Variants in SKAP1 observed in about 807,000 individuals in gnomAD.
SKAP1 encodes the protein src kinase-associated phosphoprotein 1.
A neutral mutation model predicts 58.5 loss-of-function variants in SKAP1; 44 were observed. The ratio of observed to expected loss-of-function variants is 0.75; its 90% CI spans 0.59 to 0.97. SKAP1 has a LOEUF of 0.97. Among genes scored for constraint, SKAP1 ranks in the 50% least tolerant of loss-of-function variants. The pLI is 0.00. For missense variants in SKAP1, 390 were observed against 435.2 expected (o/e 0.90, Z 0.92); for synonymous variants, 127 against 149.7 (o/e 0.85, Z 1.11).
chr17:48,280,762 A>G (rs2065756961), intron 4 of SKAP1, among the ~76,000 whole-genome samples: 1 of 152,208 alleles, frequency 6.6e-6, no homozygotes, highest in Non-Finnish European at 1.5e-5. Flanking sequence ...ACATGAAATC[A>G]TATAGTATCT....
chr17:48,187,591 AATC>A (rs2064475187), intron 6 of SKAP1, among the ~76,000 whole-genome samples: 1 of 152,198 alleles, frequency 6.6e-6, no homozygotes, highest in Non-Finnish European at 1.5e-5. Flanking sequence ...ATGTGTTGTT[AATC>A]ATCATAAAAG....
chr17:48,173,759 C>T (rs1462104923), intron 9 of SKAP1, among the ~76,000 whole-genome samples: 1 of 152,188 alleles, frequency 6.6e-6, no homozygotes, highest in African/African-American at 2.4e-5. Context: ...CTGTGAATTA[C>T]AAATTGGATC....
chr17:48,320,810 T>C (rs1343020255), intron 4 of SKAP1, among the ~76,000 whole-genome samples: 1 of 152,144 alleles, frequency 6.6e-6, no homozygotes, highest in Non-Finnish European at 1.5e-5. Flanking sequence ...TAGTGGTAAT[T>C]AAAAGAACAA....
At chr17:48,321,726 A>G (rs938290575) in intron 4 of SKAP1, among the ~76,000 whole-genome samples, 4 of 152,028 alleles carry the variant, frequency 2.6e-5, no homozygotes, top group African/African-American at 9.7e-5. Context: ...CCATCTCTCC[A>G]TTGAAAGGTC....
At chr17:48,315,701 T>C (rs1468426970) in intron 4 of SKAP1, among the ~76,000 whole-genome samples, 1 of 152,140 alleles carries the variant, frequency 6.6e-6, no homozygotes, top group African/African-American at 2.4e-5. Flanking sequence ...TTCAAAATGC[T>C]CCAAAACCTG....
intron 2 of SKAP1, among the ~76,000 whole-genome samples, chr17:48,374,800 C>T (rs2067131938): frequency 6.6e-6 from 1 of 152,212 alleles, no homozygotes; most frequent in African/African-American, 2.4e-5. Flanking sequence ...AGTAACATGG[C>T]CAGTGACACC....
chr17:48,137,064 C>A, intron 12 of SKAP1, 165 bp downstream of exon 12: 1 of 532,460 alleles, frequency 1.9e-6, no homozygotes, highest in Non-Finnish European at 3.4e-6. Context: ...AAGAAAAAAA[C>A]AATTCCAGAG....
intron 1 of SKAP1, among the ~76,000 whole-genome samples, chr17:48,419,506 C>A (rs1272223513): frequency 1.3e-5 from 2 of 152,160 alleles, no homozygotes; most frequent in East Asian, 3.8e-4. Context: ...TGGTCTCGAA[C>A]TCCTGACCTC....
chr17:48,338,181 C>G (rs1010205203), intron 4 of SKAP1, among the ~76,000 whole-genome samples: 1 of 150,500 alleles, frequency 6.6e-6, no homozygotes, highest in African/African-American at 2.5e-5. Flanking sequence ...CAGAGTTTCA[C>G]TCTTGTCACC....
At chr17:48,443,280 T>C in the SKAP1 span, among the ~76,000 whole-genome samples, 1 of 152,214 alleles carries the variant, frequency 6.6e-6, no homozygotes, top group Non-Finnish European at 1.5e-5. Context: ...TTAAAAGTAA[T>C]GGCAAAAACA....
intron 1 of SKAP1, among the ~76,000 whole-genome samples, chr17:48,405,450 T>TTTTCTTTC (rs71141993): frequency 2.1e-5 from 2 of 94,006 alleles, no homozygotes; most frequent in Non-Finnish European, 2.2e-5. Flanking sequence ...TCTTTCTTTC[T>TTTTCTTTC]TTTCTTTCTT....
chr17:48,184,837 G>C lies in SKAP1; in HGVS notation c.453C>G (p.Pro151=). Residue 151 remains proline, a synonymous_variant, in exon 7 of 13, where the codon CCC becomes CCG. Coordinates refer to ENST00000336915, the MANE Select transcript of SKAP1 (RefSeq NM_003726.4). The stretch of plus-strand genomic sequence containing the variant: ...AGCCCTTAATGAGGAAGGTCCCTTT[G>C]GGCTGCTTGCCTGCAAGACAGGAAA... ...YYYANEKSKQ[P]KGTFLIKGYG... is the part of the protein sequence containing the mutation. The C allele has an allele frequency of 6.2e-7, 1 of 1,613,366 alleles. No homozygotes were observed. The highest frequency in any genetic ancestry group is 8.5e-7 in the Non-Finnish European group (1 of 1,179,628).
intron 11 of SKAP1, among the ~76,000 whole-genome samples, chr17:48,142,200 C>G (rs2063775910): frequency 9.8e-6 from 1 of 101,836 alleles, no homozygotes; most frequent in South Asian, 4.6e-4. Context: ...CGGTGGCTCA[C>G]ACCTGTAATC....
intron 4 of SKAP1, among the ~76,000 whole-genome samples, chr17:48,222,801 C>T (rs1279232368): frequency 6.6e-6 from 1 of 151,300 alleles, no homozygotes; most frequent in Admixed American, 6.6e-5. Context: ...TGTGGTGGCT[C>T]ACACCTGTAA....
chr17:48,412,926 T>C (rs1203130241), intron 1 of SKAP1, among the ~76,000 whole-genome samples: 1 of 152,068 alleles, frequency 6.6e-6, no homozygotes, highest in East Asian at 1.9e-4. Context: ...TAAGTACTTG[T>C]TTCTTTACCT....
At chr17:48,416,318 T>C (rs1440185088) in intron 1 of SKAP1, among the ~76,000 whole-genome samples, 2 of 152,098 alleles carry the variant, frequency 1.3e-5, no homozygotes, top group African/African-American at 4.8e-5. Flanking sequence ...CCCCTCCCAG[T>C]TGGAGATGGG....
intron 1 of SKAP1, among the ~76,000 whole-genome samples, chr17:48,398,304 G>A (rs2067447492): frequency 6.6e-6 from 1 of 151,936 alleles, no homozygotes; most frequent in Non-Finnish European, 1.5e-5. Context: ...TGTATGTGAG[G>A]GATCTAGGTT....
At chr17:48,146,540 A>G (rs779637107) in intron 11 of SKAP1, among the ~76,000 whole-genome samples, 9 of 151,086 alleles carry the variant, frequency 6.0e-5, no homozygotes, top group Non-Finnish European at 1.2e-4. Flanking sequence ...AACTGCTTCC[A>G]TGCTGGATTT....
At chr17:48,443,818 AACTT>A in the SKAP1 span, among the ~76,000 whole-genome samples, 2 of 152,268 alleles carry the variant, frequency 1.3e-5, no homozygotes, top group Non-Finnish European at 1.5e-5. Flanking sequence ...AATAATTTCA[AACTT>A]ACAGAAAAGT....
Sources: allele counts gnomAD v4.1 joint callset (sites outside exome capture counted in the v4.1 genomes callset), GRCh38; gene constraint gnomAD v4.1.1; transcripts MANE v1.5; gene names NCBI Gene and HGNC (gene_info 2026-07-23, HGNC 2026-07-21).